Variants in PRKN observed in about 807,000 individuals in gnomAD.
PRKN encodes the protein E3 ubiquitin-protein ligase parkin.
PRKN carries 56 observed loss-of-function variants against 59.5 expected under a neutral mutation model. That is an observed-to-expected ratio of 0.94 (90% CI 0.76 to 1.18). The LOEUF is 1.18. Ranked by LOEUF, PRKN falls within the 50% of genes most tolerant of loss-of-function variation. The probability of loss-of-function intolerance (pLI) is 0.00; values close to 1 mark genes in which losing one functional copy is unlikely to be tolerated. For synonymous variants in PRKN, 250 were observed against 222.1 expected (o/e 1.13, Z -1.12); for missense variants, 657 against 596.4 (o/e 1.10, Z -1.06).
rs1788469289 is a variant in PRKN, at chr6:161,428,047, G to A, written c.1084-41170C>T. On this transcript the variant is annotated intron_variant, in intron 9 of 11. Coordinates refer to ENST00000366898, the MANE Select transcript of PRKN (RefSeq NM_004562.3). This position sits in a 1 kb window ranked among gnomAD's most constrained non-coding sequence, Gnocchi z 4.0. ...TGCAGAAGGAAGCTCGCTGCAGTCT[G>A]AGTGTGTCTCCGTGGAGCTCGGCAT... Among the ~76,000 whole-genome samples the A allele has an allele frequency of 6.6e-6, 1 of 152,184 alleles. No individual in the cohort carries two copies. Among genetic ancestry groups the A allele is most frequent in the Non-Finnish European group, 1.5e-5 (1 of 68,036 alleles).
intron 6 of PRKN, among the ~76,000 whole-genome samples, chr6:161,882,454 C>G (rs1251379471): frequency 6.6e-6 from 1 of 152,148 alleles, no homozygotes; most frequent in African/African-American, 2.4e-5. Flanking sequence ...TCCCTCCGGG[C>G]CTTCCTGCAG....
intron 1 of PRKN, among the ~76,000 whole-genome samples, chr6:162,535,010 C>G (rs771812687): frequency 2.0e-5 from 3 of 152,072 alleles, no homozygotes; most frequent in Non-Finnish European, 2.9e-5. Flanking sequence ...TCTTCCATCC[C>G]CAGTCCTCTT....
rs558105943 is a variant in PRKN, at chr6:161,381,287, G to A, written c.1167+5507C>T. 4.6e-5 allele frequency among the ~76,000 whole-genome samples: 7 copies of A among 152,224 alleles called. No individual in the cohort carries two copies. The South Asian group carries it at 1.5e-3, about 32-fold the overall frequency. ...ATGGAAGCGCATTTCTGCTTCACTGGGACTGGAGTGGTCATCAGTGCTGGC... is the reference window on the plus strand; with the variant it reads ...ATGGAAGCGCATTTCTGCTTCACTGAGACTGGAGTGGTCATCAGTGCTGGC... On this transcript the variant is annotated intron_variant, in intron 10 of 11. Coordinates refer to ENST00000366898, the MANE Select transcript of PRKN (RefSeq NM_004562.3).
At chr6:161,507,848 C>A (rs1393623877) in intron 9 of PRKN, among the ~76,000 whole-genome samples, 1 of 152,188 alleles carries the variant, frequency 6.6e-6, no homozygotes, top group African/African-American at 2.4e-5. Context: ...CCCTGACCAC[C>A]CAAGTAAGCT....
chr6:161,365,190 G>A (rs559749671), intron 10 of PRKN, among the ~76,000 whole-genome samples: 2 of 152,240 alleles, frequency 1.3e-5, no homozygotes, highest in African/African-American at 4.8e-5. Context: ...TAGAAATGTA[G>A]AATGTAATAG....
At chr6:162,712,855 C>T (rs187816194) in intron 1 of PRKN, among the ~76,000 whole-genome samples, 3 of 152,268 alleles carry the variant, frequency 2.0e-5, no homozygotes, top group Admixed American at 6.5e-5. Flanking sequence ...AGGGTCACTT[C>T]CCCATTTTCC....
Position 161,360,823 on chromosome 6 carries a change from G to T in PRKN, c.1168-618C>A, listed in dbSNP as rs1784948483. ...AGTGAAGACTGTGGCCCTGGAACCAGCTGTCTGGTTCAAATCCCAGCTCTA... is the reference window on the plus strand; with the variant it reads ...AGTGAAGACTGTGGCCCTGGAACCATCTGTCTGGTTCAAATCCCAGCTCTA... On this transcript the variant is annotated intron_variant, in intron 10 of 11. Transcript: ENST00000366898. The surrounding 1 kb of genome is among the most constrained non-coding windows in gnomAD (Gnocchi z 5.1). Among the ~76,000 whole-genome samples, 1 of 152,184 alleles carries T rather than the reference G, an allele frequency of 6.6e-6. No individual in the cohort carries two copies. The highest frequency in any genetic ancestry group is 1.5e-5 in the Non-Finnish European group (1 of 68,034).
chr6:162,621,272 G>T (rs2128220865), intron 1 of PRKN, among the ~76,000 whole-genome samples: 1 of 152,262 alleles, frequency 6.6e-6, no homozygotes, highest in East Asian at 1.9e-4. Flanking sequence ...CAGTACTAAA[G>T]GAAAGTAAGT....
intron 1 of PRKN, among the ~76,000 whole-genome samples, chr6:162,692,570 A>ACT (rs1554262668): frequency 1.3e-5 from 2 of 150,110 alleles, no homozygotes; most frequent in African/African-American, 4.9e-5. Flanking sequence ...TACAAGACAG[A>ACT]CCCCCCCCAA....
At chr6:162,469,346 T>TG (rs1791595916) in intron 1 of PRKN, among the ~76,000 whole-genome samples, 1 of 113,536 alleles carries the variant, frequency 8.8e-6, no homozygotes, top group Non-Finnish European at 1.8e-5. Flanking sequence ...AGTGGGGGGG[T>TG]TGCAGGGGGG....
intron 2 of PRKN, among the ~76,000 whole-genome samples, chr6:162,429,281 G>A (rs953329081): frequency 2.0e-5 from 3 of 152,092 alleles, no homozygotes; most frequent in Admixed American, 6.5e-5. Flanking sequence ...TATCTTCATG[G>A]CACTCTGACT....
In PRKN at chr6:161,377,739, G is replaced by A. The variant is rs1427486087; in HGVS notation, c.1167+9055C>T. Among the ~76,000 whole-genome samples the A allele has an allele frequency of 6.6e-6, 1 of 152,068 alleles. No homozygotes were observed. The highest frequency in any genetic ancestry group is 2.4e-5 in the African/African-American group (1 of 41,410). ...GGATTAGTGCCCTTATAAAGAGAGG[G>A]CATTAACCAGTCACCTCTCATCCTG... On this transcript the variant is annotated intron_variant, in intron 10 of 11. Transcript: ENST00000366898. This position sits in a 1 kb window ranked among gnomAD's most constrained non-coding sequence, Gnocchi z 4.2.
chr6:162,346,964 T>C (rs552999028), intron 2 of PRKN, among the ~76,000 whole-genome samples: 99 of 152,116 alleles, frequency 6.5e-4, no homozygotes, highest in Non-Finnish European at 1.2e-3. Flanking sequence ...AACAACATTT[T>C]AATTTCAGAT....
rs894655339 is a variant in PRKN at position 161,588,148 on chromosome 6, G to A, written c.872-18732C>T. 6.6e-6 allele frequency among the ~76,000 whole-genome samples: 1 copy of A among 152,138 alleles called. No homozygotes were observed. The highest frequency in any genetic ancestry group is 2.4e-5 in the African/African-American group (1 of 41,438). On this transcript the variant is annotated intron_variant, in intron 7 of 11. Coordinates refer to ENST00000366898, the MANE Select transcript of PRKN (RefSeq NM_004562.3). The surrounding 1 kb of genome is among the most constrained non-coding windows in gnomAD (Gnocchi z 5.0). ...TGCCTGTAATCCCAGCACTTTGGGA[G>A]GCCGAGTCGGGTGGATCACAAGGTC...
rs748861531 is a variant in PRKN at position 161,503,922 on chromosome 6, G to A, written c.1083+44932C>T. ...TTGATCATTGAGACACCCTAGACAG[G>A]GGGAAAGCATTGAAGAACCTCTGTG... On this transcript the variant is annotated intron_variant, in intron 9 of 11. Coordinates refer to ENST00000366898, the MANE Select transcript of PRKN (RefSeq NM_004562.3). This position sits in a 1 kb window ranked among gnomAD's most constrained non-coding sequence, Gnocchi z 5.1. 1.3e-5 allele frequency among the ~76,000 whole-genome samples: 2 copies of A among 152,140 alleles called. No individual in the cohort carries two copies. Among genetic ancestry groups the A allele is most frequent in the Non-Finnish European group, 2.9e-5 (2 of 68,030 alleles).
At position 161,401,428 on chromosome 6, in the gene PRKN, T is replaced by C. The variant is rs1187066821; in HGVS notation, c.1084-14551A>G. Among the ~76,000 whole-genome samples the C allele has an allele frequency of 6.6e-6, 1 of 152,102 alleles. No homozygotes were observed. The highest frequency in any genetic ancestry group is 1.5e-5 in the Non-Finnish European group (1 of 68,026). ...GAGTTTGAGACCAGCCTGGCCAACA[T>C]GGTGAAACCGCATCTCTACTAAAAA... On this transcript the variant is annotated intron_variant, in intron 9 of 11. Coordinates refer to ENST00000366898, the MANE Select transcript of PRKN (RefSeq NM_004562.3). The surrounding 1 kb of genome is among the most constrained non-coding windows in gnomAD (Gnocchi z 4.4).
chr6:162,727,344 T>TGAGGGG, intron 1 of PRKN: 3 of 293,814 alleles, frequency 1.0e-5, no homozygotes, highest in Non-Finnish European at 1.8e-5. Context: ...GGAGAAGGCT[T>TGAGGGG]CGGGACCCCA....
intron 9 of PRKN, among the ~76,000 whole-genome samples, chr6:161,513,365 C>T (rs1174695388): frequency 6.6e-6 from 1 of 152,044 alleles, no homozygotes; most frequent in Non-Finnish European, 1.5e-5. Flanking sequence ...CTCAGCCTCC[C>T]GGGTAGCTGG....
chr6:161,954,002 G>A (rs1488498758), intron 6 of PRKN, among the ~76,000 whole-genome samples: 1 of 152,128 alleles, frequency 6.6e-6, no homozygotes, highest in East Asian at 1.9e-4. Context: ...TGACTTACGT[G>A]AGGACTGGGA....
Sources: gnomAD v4.1 joint callset for allele counts (sites outside exome capture counted in the v4.1 genomes callset) on GRCh38, gnomAD v4.1.1 for gene constraint, Gnocchi (gnomAD v3.1) non-coding constraint, MANE v1.5 for transcripts, NCBI Gene and HGNC (gene_info 2026-07-23, HGNC 2026-07-21) for gene names.